FXYD2: variants seen among roughly 807,000 people sequenced by gnomAD.
FXYD2 encodes the protein sodium/potassium-transporting ATPase subunit gamma.
Under a neutral mutation model 11.8 loss-of-function variants are expected in FXYD2, and 8 were observed. That is an observed-to-expected ratio of 0.68 (90% CI 0.40 to 1.22). The LOEUF (loss-of-function observed/expected upper bound fraction) is 1.22, where lower values mean the gene tolerates loss of function less well. Among genes scored for constraint, FXYD2 ranks in the 50% most tolerant of loss-of-function variants. The pLI is 0.01. For missense variants in FXYD2, 92 were observed against 91.8 expected, an observed-to-expected ratio of 1.00 and a Z score of -0.01; for synonymous variants, 42 against 33.3, an observed-to-expected ratio of 1.26 and a Z score of -0.90.
At chr11:117,827,648 T>TA (rs1456448786), upstream of FXYD2, among the ~76,000 whole-genome samples, 3 of 152,192 alleles carry the variant, frequency 2.0e-5, no homozygotes, top group Non-Finnish European at 4.4e-5. Flanking sequence ...CCAGATAAGT[T>TA]AAATAACTTG....
In FXYD2 at chr11:117,820,203, A is replaced by C. The variant is rs11999; in HGVS notation, c.*176T>G. ...TAAGCATGAGGTGGCACGAGGCAGGAGTTGGCGATGCCACCTGGGGGTCAC... is the reference window on the plus strand; with the variant it reads ...TAAGCATGAGGTGGCACGAGGCAGGCGTTGGCGATGCCACCTGGGGGTCAC... On this transcript the variant is annotated 3_prime_UTR_variant, in exon 6 of 6. Coordinates refer to ENST00000292079, the MANE Select transcript of FXYD2 (RefSeq NM_001680.5). 0.28 allele frequency: 47,118 copies of C among 167,860 alleles called. 7,538 individuals are homozygous for C. Among genetic ancestry groups the C allele is most frequent in the Non-Finnish European group, 0.36 (27,972 of 78,230 alleles). 10.4% of individuals were successfully genotyped at this position (167,860 alleles called of 1,614,324 possible). A position where few individuals can be genotyped will look rare whatever the true frequency, so the allele number is the denominator to read the frequency against.
chr11:117,820,409 G>A (rs2055869148), intron 5 of FXYD2, 37 bp from the exon 6 acceptor site: 4 of 559,284 alleles, frequency 7.2e-6, no homozygotes, highest in African/African-American at 3.8e-5. Context: ...TGGGTGGGAG[G>A]CAGCAGAGGT....
At chr11:117,820,562 A>G in intron 5 of FXYD2, 104 bp downstream of exon 5, 1 of 1,450,456 alleles carries the variant, frequency 6.9e-7, no homozygotes, top group Non-Finnish European at 9.6e-7. Flanking sequence ...TGTGTGGACG[A>G]CCCTAAAATT....
In FXYD2 at chr11:117,822,481, C is replaced by T. The variant is rs767357379; in HGVS notation, c.65-1G>A. 112 of 1,560,256 alleles carry T rather than the reference C, an allele frequency of 7.2e-5. No individual in the cohort carries two copies. The highest frequency in any genetic ancestry group is 8.9e-5 in the Non-Finnish European group (103 of 1,151,366). On this transcript the variant is annotated splice_acceptor_variant, in intron 2 of 5. Transcript: ENST00000292079. LOFTEE classifies it high-confidence loss of function. The surrounding 1 kb of genome is among the most constrained non-coding windows in gnomAD (Gnocchi z 4.7). ...CCCCCATTGCGAACGGTCTCATAGT[C>T]TCCGGAAAGAGAGGGCAAGAGGAGC... is the stretch of plus-strand genomic sequence containing the variant.
Position 117,824,693 on chromosome 11 carries a change from G to A in FXYD2, c.-15C>T, listed in dbSNP as rs764165453. 20 of 1,613,756 alleles carry A rather than the reference G, an allele frequency of 1.2e-5. No individual in the cohort carries two copies. In the Admixed American group the frequency reaches 3.2e-4, roughly 26 times the overall value. ...AACCCAGTCATTTCCCCAGGTGAAT[G>A]GGCTGCCTCCACTCCCCTCTTCCTG... On this transcript the variant is annotated 5_prime_UTR_variant, in exon 1 of 6. Coordinates refer to ENST00000292079, the MANE Select transcript of FXYD2 (RefSeq NM_001680.5). This position sits in a 1 kb window ranked among gnomAD's most constrained non-coding sequence, Gnocchi z 4.0.
In FXYD2 at chr11:117,824,518, G is replaced by A; in HGVS notation, c.25+136C>T. On this transcript the variant is annotated intron_variant, in intron 1 of 5. Transcript: ENST00000292079. The surrounding 1 kb of genome is among the most constrained non-coding windows in gnomAD (Gnocchi z 4.0). ...AATTTTCTTAGAGAGGAGGCCGACA[G>A]GAAGAGGGGCTGGGTACTCTGGAAG... The A allele has an allele frequency of 1.3e-6, 1 of 754,824 alleles. No homozygotes were observed. The highest frequency in any genetic ancestry group is 2.4e-6 in the Non-Finnish European group (1 of 423,698). The allele number at this position is 754,824 out of a possible 1,614,324, so 46.8% of individuals were successfully genotyped here.
In FXYD2 at chr11:117,822,215, G is replaced by T. The variant is rs1277624370; in HGVS notation, c.139+191C>A. On this transcript the variant is annotated intron_variant, in intron 3 of 5. Transcript: ENST00000292079. The surrounding 1 kb of genome is among the most constrained non-coding windows in gnomAD (Gnocchi z 4.7). ...CCCACTGGAGGGTGCACTTGAGCAA[G>T]CAGGAACCTCACACTGTGCTCCCAG... The T allele has an allele frequency of 6.8e-7, 1 of 1,479,800 alleles. No homozygotes were observed. The highest frequency in any genetic ancestry group is 2.5e-5 in the East Asian group (1 of 40,150). The allele number at this position is 1,479,800 out of a possible 1,614,324, so 91.7% of individuals were successfully genotyped here. A position where few individuals can be genotyped will look rare whatever the true frequency, so the allele number is the denominator to read the frequency against.
At chr11:117,821,439 A>G in intron 3 of FXYD2, 1 of 986,822 alleles carries the variant, frequency 1.0e-6, no homozygotes, top group Non-Finnish European at 1.2e-6. Context: ...TATTTACTGG[A>G]GCAGATCCAC....
intron 1 of FXYD2, among the ~76,000 whole-genome samples, chr11:117,823,510 C>T (rs1401276596): frequency 6.6e-6 from 1 of 152,174 alleles, no homozygotes; most frequent in Non-Finnish European, 1.5e-5. Flanking sequence ...CTCTCAATGG[C>T]GGGAGGGAAG....
Position 117,824,721 on chromosome 11 carries a change from G to C in FXYD2, c.-43C>G. The C allele has an allele frequency of 1.2e-6, 2 of 1,612,230 alleles. No individual in the cohort carries two copies. Among genetic ancestry groups the C allele is most frequent in the Non-Finnish European group, 1.7e-6 (2 of 1,179,272 alleles). ...CTGCCTCCACTCCCCTCTTCCTGCT[G>C]TCTCTGCTTTTTGGAGAGTGTCTGG... On this transcript the variant is annotated 5_prime_UTR_variant, in exon 1 of 6. Coordinates refer to ENST00000292079, the MANE Select transcript of FXYD2 (RefSeq NM_001680.5). This position sits in a 1 kb window ranked among gnomAD's most constrained non-coding sequence, Gnocchi z 4.0.
rs1229291172 is a variant in FXYD2, at chr11:117,821,366, T to C, written c.140-471A>G. 4 of 989,532 alleles carry C rather than the reference T, an allele frequency of 4.0e-6. No homozygotes were observed. In the South Asian group the frequency reaches 1.4e-4, roughly 34 times the overall value. 61.3% of individuals were successfully genotyped at this position (989,532 alleles called of 1,614,324 possible). On this transcript the variant is annotated intron_variant, in intron 3 of 5. Transcript: ENST00000292079. Reference sequence around the variant, plus strand: ...ATGAGCCACCACGCCCAGCCTTCTCTCTCTTTATATAAGGCTGGACCATAG... The same window carrying C: ...ATGAGCCACCACGCCCAGCCTTCTCCCTCTTTATATAAGGCTGGACCATAG...
intron 3 of FXYD2, chr11:117,821,406 AAGTC>A (rs1053087454): frequency 2.0e-6 from 2 of 986,352 alleles, no homozygotes; most frequent in Non-Finnish European, 2.4e-6. Context: ...TTAAGAACCT[AAGTC>A]AGTCAGTCAG....
intron 3 of FXYD2, chr11:117,821,548 A>G (rs998860207): frequency 6.1e-6 from 6 of 985,672 alleles, no homozygotes; most frequent in Middle Eastern, 5.2e-4. Flanking sequence ...GATGGCAGCA[A>G]CTCCAAAGTG....
chr11:117,823,950 G>C (rs188112109), intron 1 of FXYD2, among the ~76,000 whole-genome samples: 1 of 152,362 alleles, frequency 6.6e-6, no homozygotes, highest in East Asian at 1.9e-4. Flanking sequence ...GTCCCACACA[G>C]AAGGCCGTCA....
rs769607275 is a variant in FXYD2 at position 117,822,545 on chromosome 11, A to T, written c.65-65T>A. On this transcript the variant is annotated intron_variant, in intron 2 of 5. Coordinates refer to ENST00000292079, the MANE Select transcript of FXYD2 (RefSeq NM_001680.5). This position sits in a 1 kb window ranked among gnomAD's most constrained non-coding sequence, Gnocchi z 4.7. ...TCTCCCAGCAGCTGTCTCTCTCCGC[A>T]GCCTGCCCGCAGCAGCCCGTGGTAA... The T allele has an allele frequency of 5.1e-6, 8 of 1,557,158 alleles. No homozygotes were observed. The highest frequency in any genetic ancestry group is 7.0e-6 in the Non-Finnish European group (8 of 1,149,790).
chr11:117,825,116 A>G (rs1006227670), upstream of FXYD2, among the ~76,000 whole-genome samples: 1 of 152,178 alleles, frequency 6.6e-6, no homozygotes, highest in African/African-American at 2.4e-5. Flanking sequence ...GGCCCACCGC[A>G]CCAGCCACCA....
At chr11:117,820,531 G>A (rs2055873013) in intron 5 of FXYD2, 135 bp downstream of exon 5, 1 of 1,109,514 alleles carries the variant, frequency 9.0e-7, no homozygotes, top group African/African-American at 1.5e-5. Flanking sequence ...ACACACGATG[G>A]GTGACAGACC....
chr11:117,826,754 ATCTGTCTGTCTG>A (rs61440081), upstream of FXYD2, among the ~76,000 whole-genome samples: 41 of 143,704 alleles, frequency 2.9e-4, no homozygotes, highest in Non-Finnish European at 4.4e-4. Flanking sequence ...AAATAAATTC[ATCTGTCTGTCTG>A]TCTGTCTGTC....
Position 117,822,088 on chromosome 11 carries a change from T to A in FXYD2, c.139+318A>T. On this transcript the variant is annotated intron_variant, in intron 3 of 5. Transcript: ENST00000292079. This position sits in a 1 kb window ranked among gnomAD's most constrained non-coding sequence, Gnocchi z 4.7. ...GATCATCCCTATTTAACAAATGAGT[T>A]TGGGACCATGGTTAGCAGCGGGGGG... 1 of 1,307,810 alleles carries A rather than the reference T, an allele frequency of 7.6e-7. No individual in the cohort carries two copies. The highest frequency in any genetic ancestry group is 1.5e-5 in the South Asian group (1 of 64,638). 81.0% of individuals were successfully genotyped at this position (1,307,810 alleles called of 1,614,324 possible).
Sources: allele counts gnomAD v4.1 joint callset (sites outside exome capture counted in the v4.1 genomes callset), GRCh38; gene constraint gnomAD v4.1.1; non-coding constraint Gnocchi (gnomAD v3.1); transcripts MANE v1.5; gene names NCBI Gene and HGNC (gene_info 2026-07-23, HGNC 2026-07-21).